The following CMYA5 variants were observed in gnomAD, a reference collection of about 807,000 sequenced individuals.
CMYA5 encodes cardiomyopathy-associated protein 5.
In CMYA5, 246 loss-of-function variants were observed where a neutral mutation model predicts 318.9. The observed-to-expected ratio is 0.77, with a 90% confidence interval of 0.70 to 0.86. The LOEUF is 0.86. CMYA5 is among the 40% of genes least tolerant of loss of function. The pLI is 0.00. For synonymous variants in CMYA5, 1,641 were observed against 1,729.5 expected (o/e 0.95, Z 1.27); for missense variants, 4,589 against 4,678.2 (o/e 0.98, Z 0.56).
At position 79,762,322 on chromosome 5, in the gene CMYA5, C is replaced by T. The variant is rs73125657; in HGVS notation, c.11407+365C>T. ...TTTAAAGGATCAATAGGAAGTAATG[C>T]GTTAAAGGAGGATATTCCACTTGAA... is the stretch of plus-strand genomic sequence containing the variant. On this transcript the variant is annotated intron_variant, in intron 8 of 12. Coordinates refer to ENST00000446378, the MANE Select transcript of CMYA5 (RefSeq NM_153610.5). 595 of 179,950 alleles carry T rather than the reference C, an allele frequency of 3.3e-3. 5 individuals carry two copies. Among genetic ancestry groups the T allele is most frequent in the African/African-American group, 0.013 (571 of 42,652 alleles). The allele number at this position is 179,950 out of a possible 1,614,324, so 11.1% of individuals were successfully genotyped here. A position where few individuals can be genotyped will look rare whatever the true frequency, so the allele number is the denominator to read the frequency against.
At chr5:79,719,621 C>G (rs1827582973) in intron 1 of CMYA5, among the ~76,000 whole-genome samples, 1 of 152,208 alleles carries the variant, frequency 6.6e-6, no homozygotes, top group Non-Finnish European at 1.5e-5. Flanking sequence ...CATAAATTAT[C>G]TCATTTCCTT....
At chr5:79,704,449 T>C (rs1357802287) in intron 1 of CMYA5, among the ~76,000 whole-genome samples, 1 of 152,098 alleles carries the variant, frequency 6.6e-6, no homozygotes, top group Non-Finnish European at 1.5e-5. Context: ...GAACTGGTCC[T>C]ATCACCCAGG....
At chr5:79,768,072 T>C (rs569434666) in intron 9 of CMYA5, among the ~76,000 whole-genome samples, 1 of 152,328 alleles carries the variant, frequency 6.6e-6, no homozygotes, top group African/African-American at 2.4e-5. Context: ...TTTGTCTTTT[T>C]TGATCTTTGT....
intron 12 of CMYA5, among the ~76,000 whole-genome samples, chr5:79,798,837 A>C (rs1216696109): frequency 1.3e-5 from 2 of 152,204 alleles, no homozygotes; most frequent in East Asian, 3.8e-4. Flanking sequence ...AATGAAAAGG[A>C]GAGTTGGTTT....
rs1827943697 is a variant in CMYA5 at position 79,732,657 on chromosome 5, G to T, written c.3892G>T (p.Ala1298Ser). ...TSLSGPEALS[A>S]VKMEMKHDSK... ...TTTATCTGGACCTGAGGCTTTATCA[G>T]CAGTGAAAATGGAGATGAAACATGA... The change falls in exon 2 of 13, where the codon GCA becomes TCA. Residue 1298 changes from alanine to serine, a missense_variant. Coordinates refer to ENST00000446378, the MANE Select transcript of CMYA5 (RefSeq NM_153610.5). The T allele has an allele frequency of 6.2e-7, 1 of 1,613,384 alleles. No individual in the cohort carries two copies. The highest frequency in any genetic ancestry group is 1.1e-5 in the South Asian group (1 of 90,974).
In CMYA5 at chr5:79,734,447, G is replaced by C. The variant is rs774540564; in HGVS notation, c.5682G>C (p.Trp1894Cys). The change falls in exon 2 of 13, where the codon TGG (tryptophan) becomes TGC (cysteine). Residue 1894 changes from tryptophan to cysteine, a missense_variant. This residue lies in a region of CMYA5 where 26 missense variants were observed against 51.8 expected (regional missense o/e 0.50). Coordinates refer to ENST00000446378, the MANE Select transcript of CMYA5 (RefSeq NM_153610.5). ...TTATTTCTCCAAAGGATGAAAACTG[G>C]ATGTTGGGAAAGCCAGAAAATGTGG... ...EFFISPKDEN[W>C]MLGKPENVAS... 10 of 1,613,588 alleles carry C rather than the reference G, an allele frequency of 6.2e-6. No individual in the cohort carries two copies. Among genetic ancestry groups the C allele is most frequent in the Non-Finnish European group, 8.5e-6 (10 of 1,179,806 alleles).
intron 1 of CMYA5, among the ~76,000 whole-genome samples, chr5:79,716,736 C>A (rs72768882): frequency 0.019 from 2,876 of 152,282 alleles, 45 homozygotes; most frequent in Non-Finnish European, 0.026. Context: ...CTGATTGTGT[C>A]TAGTGACGCT....
intron 3 of CMYA5, 140 bp downstream of exon 3, chr5:79,744,062 G>A (rs1828271284): frequency 2.7e-5 from 14 of 515,764 alleles, no homozygotes; most frequent in Admixed American, 1.9e-4. Context: ...CATTCAAAGC[G>A]AGAATGCTTA....
Position 79,732,209 on chromosome 5 carries a change from A to G in CMYA5, c.3444A>G (p.Ala1148=). ...GGGAGGCAAGTTCATCAGTAGCTGCAATACCTGCTGCTTTACCTGCACAAT... is the reference window on the plus strand; with the variant it reads ...GGGAGGCAAGTTCATCAGTAGCTGCGATACCTGCTGCTTTACCTGCACAAT... ...GEREASSSVA[A]IPAALPAQSS... The change falls in exon 2 of 13, where the codon GCA becomes GCG. Residue 1148 remains alanine (A), a synonymous_variant. Coordinates refer to ENST00000446378, the MANE Select transcript of CMYA5 (RefSeq NM_153610.5). 1 of 1,613,946 alleles carries G rather than the reference A, an allele frequency of 6.2e-7. No homozygotes were observed. The highest frequency in any genetic ancestry group is 1.3e-5 in the African/African-American group (1 of 75,044).
chr5:79,701,870 G>A (rs922050440), intron 1 of CMYA5, among the ~76,000 whole-genome samples: 1 of 152,228 alleles, frequency 6.6e-6, no homozygotes, highest in African/African-American at 2.4e-5. Flanking sequence ...GCTCACACCT[G>A]TAATCCCAGC....
At chr5:79,740,819 A>G (rs1372400612) in intron 2 of CMYA5, among the ~76,000 whole-genome samples, 1 of 152,160 alleles carries the variant, frequency 6.6e-6, no homozygotes. Flanking sequence ...AAATTACTAA[A>G]TAACAATAAC....
chr5:79,722,191 A>G (rs1827653242), intron 1 of CMYA5, among the ~76,000 whole-genome samples: 1 of 152,240 alleles, frequency 6.6e-6, no homozygotes, highest in Admixed American at 6.5e-5. Context: ...TGAAATTGCA[A>G]AATACATTTT....
At chr5:79,776,722 G>A (rs921699298) in intron 9 of CMYA5, among the ~76,000 whole-genome samples, 18 of 152,126 alleles carry the variant, frequency 1.2e-4, no homozygotes, top group Admixed American at 7.9e-4. Context: ...ATGTGGTGTC[G>A]ACTGACTGCC....
chr5:79,787,408 C>T (rs1829100647), intron 9 of CMYA5, among the ~76,000 whole-genome samples: 1 of 152,304 alleles, frequency 6.6e-6, no homozygotes, highest in African/African-American at 2.4e-5. Flanking sequence ...TTTCTTCAGT[C>T]ATCAATTCCA....
chr5:79,758,468 G>A (rs1224819933), intron 6 of CMYA5, among the ~76,000 whole-genome samples: 5 of 151,898 alleles, frequency 3.3e-5, no homozygotes, highest in African/African-American at 4.8e-5. Flanking sequence ...GGAGGCAAAG[G>A]TTGCAGTGAG....
In CMYA5 at chr5:79,721,491, CT is replaced by C. The variant is rs528694437; in HGVS notation, c.150-7423del. 3.4e-3 allele frequency among the ~76,000 whole-genome samples: 516 copies of C among 152,212 alleles called. 3 individuals carry two copies. Among genetic ancestry groups the C allele is most frequent in the African/African-American group, 0.012 (489 of 41,526 alleles). On this transcript the variant is annotated intron_variant, in intron 1 of 12. Coordinates refer to ENST00000446378, the MANE Select transcript of CMYA5 (RefSeq NM_153610.5). ...TGCTCTATTTAAAAGTTAGAGAGCTCTATTTAAATGGTCAGAATGGATTTTT... is the reference window on the plus strand; with the variant it reads ...TGCTCTATTTAAAAGTTAGAGAGCTCATTTAAATGGTCAGAATGGATTTTT...
intron 1 of CMYA5, among the ~76,000 whole-genome samples, chr5:79,706,151 A>G (rs931984857): frequency 2.6e-5 from 4 of 152,146 alleles, no homozygotes; most frequent in African/African-American, 9.7e-5. Context: ...GATGCTGCCA[A>G]TGTGCTGGAT....
rs770988644 is a variant in CMYA5, at chr5:79,730,187, C to A, written c.1422C>A (p.Thr474=). 25 of 1,613,802 alleles carry A rather than the reference C, an allele frequency of 1.5e-5. No homozygotes were observed. Among genetic ancestry groups the A allele is most frequent in the Admixed American group, 1.0e-4 (6 of 59,994 alleles). ...ERAEPVSAKL[T]PTHPSVKGEK... ...CAGAACCAGTCTCCGCAAAACTGAC[C>A]CCTACCCATCCCAGTGTCAAAGGAG... Residue 474 remains threonine, a synonymous_variant, in exon 2 of 13, where the codon ACC becomes ACA. Coordinates refer to ENST00000446378, the MANE Select transcript of CMYA5 (RefSeq NM_153610.5).
intron 1 of CMYA5, among the ~76,000 whole-genome samples, chr5:79,724,852 C>T (rs1000495263): frequency 6.6e-6 from 1 of 152,146 alleles, no homozygotes; most frequent in African/African-American, 2.4e-5. Flanking sequence ...CTTTGGATCT[C>T]TCAGTGAGCC....
Sources: gnomAD v4.1 joint callset for allele counts (sites outside exome capture counted in the v4.1 genomes callset) on GRCh38, gnomAD v4.1.1 for gene constraint, gnomAD v4.1.1 regional missense constraint, MANE v1.5 for transcripts, NCBI Gene and HGNC (gene_info 2026-07-23, HGNC 2026-07-21) for gene names.